The following SMARCAD1 variants were observed in gnomAD, a reference collection of about 807,000 sequenced individuals.
SMARCAD1 encodes SWI/SNF-related matrix-associated actin-dependent regulator of chromatin subfamily A containing DEAD/H box 1.
In SMARCAD1, 25 loss-of-function variants were observed where a neutral mutation model predicts 127.1. That is an observed-to-expected ratio of 0.20 (90% CI 0.14 to 0.27). The LOEUF is 0.27. Among genes scored for constraint, SMARCAD1 ranks in the 10% least tolerant of loss-of-function variants. The pLI is 1.00. For missense variants in SMARCAD1, 807 were observed against 1,206.0 expected (o/e 0.67, Z 4.90); for synonymous variants, 400 against 396.9 (o/e 1.01, Z -0.09).
rs777832557 is a variant in SMARCAD1, at chr4:94,252,596, T to A, written c.890-20T>A. 6.1e-6 allele frequency: 9 copies of A among 1,478,142 alleles called. No homozygotes were observed. The highest frequency in any genetic ancestry group is 5.8e-5 in the African/African-American group (4 of 69,476). 91.6% of individuals were successfully genotyped at this position (1,478,142 alleles called of 1,614,324 possible). ...TTATGTATTTCTAATTTAGTTACTG[T>A]TTTTGTCTTTTATATACAGATATGC... On this transcript the variant is annotated intron_variant, in intron 8 of 23. Coordinates refer to ENST00000354268, the MANE Select transcript of SMARCAD1 (RefSeq NM_020159.5).
At chr4:94,214,190 A>C (rs1482027445) in intron 2 of SMARCAD1, among the ~76,000 whole-genome samples, 3 of 152,046 alleles carry the variant, frequency 2.0e-5, no homozygotes, top group Non-Finnish European at 4.4e-5. Context: ...AAGGAAAGAG[A>C]GAAATAGGTA....
intron 5 of SMARCAD1, 79 bp from the exon 6 acceptor site, chr4:94,240,827 A>G (rs1747470024): frequency 2.0e-6 from 2 of 984,826 alleles, no homozygotes; most frequent in Non-Finnish European, 3.2e-6. Flanking sequence ...ATTATAATAC[A>G]TTTTTGCCTT....
intron 9 of SMARCAD1, among the ~76,000 whole-genome samples, chr4:94,261,810 A>G (rs996524061): frequency 6.6e-6 from 1 of 152,106 alleles, no homozygotes; most frequent in Non-Finnish European, 1.5e-5. Context: ...GAGTTCTGCC[A>G]TGTTGCCCAG....
chr4:94,253,066 G>A (rs1749522398), intron 9 of SMARCAD1, 59 bp downstream of exon 9: 14 of 1,600,624 alleles, frequency 8.7e-6, no homozygotes, highest in East Asian at 2.2e-5. Flanking sequence ...TCACAGTACC[G>A]GTTATAGTCA....
chr4:94,272,181 T>A (rs1253152236), intron 11 of SMARCAD1, among the ~76,000 whole-genome samples: 1 of 151,820 alleles, frequency 6.6e-6, no homozygotes, highest in African/African-American at 2.4e-5. Flanking sequence ...TCATATTGGG[T>A]TCAGGCCCCA....
intron 6 of SMARCAD1, among the ~76,000 whole-genome samples, chr4:94,245,060 T>C (rs776802307): frequency 2.5e-4 from 38 of 152,224 alleles, no homozygotes; most frequent in Non-Finnish European, 4.3e-4. Context: ...GTTTGTGTTA[T>C]GTGTGGCAGA....
rs770997784 is a variant in SMARCAD1 at position 94,226,098 on chromosome 4, C to T, written c.191-21C>T. 4.4e-6 allele frequency: 7 copies of T among 1,590,494 alleles called. No homozygotes were observed. In the African/African-American group the frequency reaches 5.4e-5, roughly 12 times the overall value. On this transcript the variant is annotated intron_variant, in intron 2 of 23. Coordinates refer to ENST00000354268, the MANE Select transcript of SMARCAD1 (RefSeq NM_020159.5). ...TTTTCCAGTTGCTCAAAATATTTTT[C>T]TCCTTTTTATTCTCTTGCAGAAGAT...
intron 2 of SMARCAD1, among the ~76,000 whole-genome samples, chr4:94,223,169 G>C (rs890265312): frequency 6.6e-6 from 1 of 152,022 alleles, no homozygotes; most frequent in Non-Finnish European, 1.5e-5. Flanking sequence ...CCAGTGCTCT[G>C]CCTCTGAGCT....
chr4:94,270,228 A>G (rs1752357522), intron 10 of SMARCAD1, among the ~76,000 whole-genome samples: 1 of 152,078 alleles, frequency 6.6e-6, no homozygotes, highest in Non-Finnish European at 1.5e-5. Context: ...ACACACATAA[A>G]TGCGTGCTTC....
At chr4:94,285,153 GGCTACCTTAACTA>G (rs1320065431) in intron 23 of SMARCAD1, 84 bp downstream of exon 23, 12 of 882,954 alleles carry the variant, frequency 1.4e-5, no homozygotes, top group Non-Finnish European at 2.3e-5. Flanking sequence ...TGACAAAGAT[GGCTACCTTAACTA>G]GCTTACAGTT....
chr4:94,215,906 T>G (rs1245561867), intron 2 of SMARCAD1, among the ~76,000 whole-genome samples: 1 of 152,240 alleles, frequency 6.6e-6, no homozygotes, highest in African/African-American at 2.4e-5. Flanking sequence ...GTTTTTCTAA[T>G]ACATGTCTCT....
chr4:94,252,678 A>G lies in SMARCAD1; in HGVS notation c.952A>G (p.Asn318Asp), dbSNP rs1339662620. 1.3e-6 allele frequency: 2 copies of G among 1,582,762 alleles called. No individual in the cohort carries two copies. ...AAAAGAAGTTTCTTCAAGAAGTCAAAATTACCCTAAAAATGCAACTAAAAC... is the reference window on the plus strand; with the variant it reads ...AAAAGAAGTTTCTTCAAGAAGTCAAGATTACCCTAAAAATGCAACTAAAAC... ...NGKEVSSRSQ[N>D]YPKNATKTKL... The change falls in exon 9 of 24, where the codon AAT becomes GAT. Residue 318 changes from asparagine to aspartate, a missense_variant. This residue lies in a region of SMARCAD1 where 257 missense variants were observed against 303.4 expected (regional missense o/e 0.85). Coordinates refer to ENST00000354268, the MANE Select transcript of SMARCAD1 (RefSeq NM_020159.5).
In SMARCAD1 at chr4:94,276,494, G is replaced by A. The variant is rs1331021516; in HGVS notation, c.1944+20G>A. On this transcript the variant is annotated intron_variant, in intron 15 of 23. Coordinates refer to ENST00000354268, the MANE Select transcript of SMARCAD1 (RefSeq NM_020159.5). ...ATTAATGTAAGAGAATGTTTGTAAA[G>A]TTTTCCAAATTACTGTAAAATTTAG... 1 of 1,613,430 alleles carries A rather than the reference G, an allele frequency of 6.2e-7. No individual in the cohort carries two copies. The highest frequency in any genetic ancestry group is 1.1e-5 in the South Asian group (1 of 91,004).
At chr4:94,278,779 TG>T in intron 18 of SMARCAD1, 46 bp downstream of exon 18, 1 of 1,595,562 alleles carries the variant, frequency 6.3e-7, no homozygotes, top group Admixed American at 1.7e-5. Flanking sequence ...AATCTTGTAC[TG>T]GGGATGCATT....
intron 2 of SMARCAD1, among the ~76,000 whole-genome samples, chr4:94,214,797 T>C (rs1489700249): frequency 6.6e-6 from 1 of 152,080 alleles, no homozygotes; most frequent in Non-Finnish European, 1.5e-5. Flanking sequence ...AGTATATGTT[T>C]GATGAATTTT....
At chr4:94,258,112 T>C (rs1230547109) in intron 9 of SMARCAD1, among the ~76,000 whole-genome samples, 1 of 152,008 alleles carries the variant, frequency 6.6e-6, no homozygotes, top group Non-Finnish European at 1.5e-5. Flanking sequence ...TTAGGTCAAC[T>C]CTAAAGTCTT....
At chr4:94,254,562 CAG>C (rs145125472) in intron 9 of SMARCAD1, among the ~76,000 whole-genome samples, 2 of 152,218 alleles carry the variant, frequency 1.3e-5, no homozygotes, top group South Asian at 2.1e-4. Context: ...AATTAATCAG[CAG>C]AGTTTAAATT....
chr4:94,272,885 C>T (rs984691821), intron 11 of SMARCAD1, among the ~76,000 whole-genome samples: 1 of 152,126 alleles, frequency 6.6e-6, no homozygotes, highest in African/African-American at 2.4e-5. Flanking sequence ...CAGCTCACTG[C>T]AGCCTCGACC....
intron 6 of SMARCAD1, among the ~76,000 whole-genome samples, chr4:94,243,784 G>C (rs1264067331): frequency 2.6e-5 from 4 of 152,202 alleles, no homozygotes; most frequent in Non-Finnish European, 5.9e-5. Flanking sequence ...ATATTATCCT[G>C]TTAGGTGGTG....
Sources: allele counts gnomAD v4.1 joint callset (sites outside exome capture counted in the v4.1 genomes callset), GRCh38; gene constraint gnomAD v4.1.1; regional missense constraint gnomAD v4.1.1; transcripts MANE v1.5; gene names NCBI Gene and HGNC (gene_info 2026-07-23, HGNC 2026-07-21).